Variants in FTCDNL1 observed in about 807,000 individuals in gnomAD.
FTCDNL1 encodes formiminotransferase N-terminal subdomain-containing protein.
Under a neutral mutation model 5.9 loss-of-function variants are expected in FTCDNL1, and 11 were observed. That is an observed-to-expected ratio of 1.87 (90% CI 1.18 to 3.10). FTCDNL1 has a LOEUF of 3.10. Ranked by LOEUF, FTCDNL1 falls within the 30% of genes most tolerant of loss-of-function variation. FTCDNL1 has a pLI of 0.00. For missense variants in FTCDNL1, 115 were observed against 65.5 expected (o/e 1.76, Z -2.61); for synonymous variants, 58 against 24.8 (o/e 2.34, Z -3.99).
At chr2:199,700,571 G>A in the FTCDNL1 span, among the ~76,000 whole-genome samples, 4 of 152,102 alleles carry the variant, frequency 2.6e-5, no homozygotes, top group Admixed American at 6.5e-5. Flanking sequence ...AATCAAAAAA[G>A]AGCCCAAATA....
At chr2:199,689,810 T>TTA in the FTCDNL1 span, among the ~76,000 whole-genome samples, 1 of 116,998 alleles carries the variant, frequency 8.5e-6, no homozygotes, top group Non-Finnish European at 1.7e-5. Flanking sequence ...AAACTCCGTC[T>TTA]AAAAAAAAAA....
intron 3 of FTCDNL1, among the ~76,000 whole-genome samples, chr2:199,803,609 C>T (rs967891958): frequency 4.6e-5 from 7 of 152,144 alleles, no homozygotes; most frequent in Admixed American, 2.0e-4. Context: ...GGACTACAAG[C>T]GTGTATCACC....
chr2:199,696,125 A>G, the FTCDNL1 span, among the ~76,000 whole-genome samples: 26 of 152,152 alleles, frequency 1.7e-4, no homozygotes, highest in Non-Finnish European at 2.9e-4. Flanking sequence ...ACTCTCCCGC[A>G]GCTTCCCACA....
the FTCDNL1 span, among the ~76,000 whole-genome samples, chr2:199,665,510 G>C: frequency 1.3e-5 from 2 of 151,862 alleles, no homozygotes. Flanking sequence ...GTGCACACTT[G>C]TAATCCCAAC....
the FTCDNL1 span, among the ~76,000 whole-genome samples, chr2:199,686,151 A>G: frequency 6.6e-6 from 1 of 152,242 alleles, no homozygotes; most frequent in Admixed American, 6.5e-5. Flanking sequence ...GGGTGTGAAC[A>G]GAGATATGAT....
At chr2:199,764,677 A>G (rs1698428447) in intron 3 of FTCDNL1, among the ~76,000 whole-genome samples, 1 of 152,224 alleles carries the variant, frequency 6.6e-6, no homozygotes, top group Non-Finnish European at 1.5e-5. Flanking sequence ...CCCTGAGTCC[A>G]GCGAAATCGG....
At chr2:199,728,363 C>CA in the FTCDNL1 span, among the ~76,000 whole-genome samples, 1 of 152,046 alleles carries the variant, frequency 6.6e-6, no homozygotes, top group Non-Finnish European at 1.5e-5. Context: ...TCTCCTGCCT[C>CA]AGCCACCTGA....
At chr2:199,775,226 G>A (rs763922766) in intron 3 of FTCDNL1, among the ~76,000 whole-genome samples, 22 of 152,218 alleles carry the variant, frequency 1.4e-4, no homozygotes, top group Non-Finnish European at 2.2e-4. Flanking sequence ...TTTGGAGAAC[G>A]TTTATTAGAG....
chr2:199,743,634 A>C, the FTCDNL1 span, among the ~76,000 whole-genome samples: 1 of 151,842 alleles, frequency 6.6e-6, no homozygotes, highest in Admixed American at 6.6e-5. Context: ...TGCTGTGTGG[A>C]ACCTATGCAC....
chr2:199,769,621 C>T (rs948524813), intron 3 of FTCDNL1, among the ~76,000 whole-genome samples: 2 of 152,140 alleles, frequency 1.3e-5, no homozygotes, highest in Non-Finnish European at 2.9e-5. Flanking sequence ...TTTTTTTCCC[C>T]GATTCCTGCT....
chr2:199,692,282 A>T, the FTCDNL1 span, among the ~76,000 whole-genome samples: 1 of 152,288 alleles, frequency 6.6e-6, no homozygotes, highest in South Asian at 2.1e-4. Context: ...GAAAGAGAGA[A>T]ATGCAACTGG....
At chr2:199,723,995 C>A in the FTCDNL1 span, among the ~76,000 whole-genome samples, 1 of 152,184 alleles carries the variant, frequency 6.6e-6, no homozygotes, top group Non-Finnish European at 1.5e-5. Flanking sequence ...CAGAATTTAG[C>A]TGTGAGTCCA....
intron 3 of FTCDNL1, among the ~76,000 whole-genome samples, chr2:199,821,316 A>ATT (rs34899809): frequency 6.3e-4 from 85 of 133,892 alleles, no homozygotes; most frequent in South Asian, 2.0e-3. Context: ...AGCCTGGCTA[A>ATT]TTTTTTTTTT....
the FTCDNL1 span, among the ~76,000 whole-genome samples, chr2:199,723,395 C>T: frequency 1.3e-5 from 2 of 152,010 alleles, no homozygotes; most frequent in Admixed American, 6.6e-5. Context: ...TGCCTAATTG[C>T]CCTGGCCAGA....
At chr2:199,807,444 C>A (rs1700786535), downstream of FTCDNL1, among the ~76,000 whole-genome samples, 1 of 151,448 alleles carries the variant, frequency 6.6e-6, no homozygotes, top group Admixed American at 6.6e-5. Flanking sequence ...TCAAGACCAG[C>A]CTGGGCAAGA....
chr2:199,723,325 G>T, the FTCDNL1 span, among the ~76,000 whole-genome samples: 1 of 152,116 alleles, frequency 6.6e-6, no homozygotes, highest in Non-Finnish European at 1.5e-5. Flanking sequence ...CATGTCATCT[G>T]CAAACAGAGA....
chr2:199,819,319 G>A (rs1035161288), intron 4 of FTCDNL1: 12 of 461,690 alleles, frequency 2.6e-5, no homozygotes, highest in South Asian at 5.5e-5. Flanking sequence ...CAGTGATCAC[G>A]TTGCAGGGCT....
chr2:199,848,449 A>C (rs1403618104), intron 2 of FTCDNL1, among the ~76,000 whole-genome samples: 1 of 152,230 alleles, frequency 6.6e-6, no homozygotes, highest in Non-Finnish European at 1.5e-5. Context: ...TTTTTCATTT[A>C]ATCTGCTCAA....
chr2:199,710,485 A>C, the FTCDNL1 span, among the ~76,000 whole-genome samples: 1 of 152,172 alleles, frequency 6.6e-6, no homozygotes, highest in Admixed American at 6.6e-5. Context: ...CAAGACTCTA[A>C]GCTTGGGAGC....
Sources: gnomAD v4.1 joint callset for allele counts (sites outside exome capture counted in the v4.1 genomes callset) on GRCh38, gnomAD v4.1.1 for gene constraint, MANE v1.5 for transcripts, NCBI Gene and HGNC (gene_info 2026-07-23, HGNC 2026-07-21) for gene names.